Variants in FGF12 observed in about 807,000 individuals in gnomAD.
FGF12 encodes fibroblast growth factor 12B.
Under a neutral mutation model 23.6 loss-of-function variants are expected in FGF12, and 14 were observed. That is an observed-to-expected ratio of 0.59 (90% CI 0.39 to 0.93). FGF12 has a LOEUF of 0.93. Ranked by LOEUF, FGF12 falls within the 40% of genes least tolerant of loss-of-function variation. The pLI is 0.00. For synonymous variants in FGF12, 62 were observed against 77.3 expected (o/e 0.80, Z 1.04); for missense variants, 175 against 217.8 (o/e 0.80, Z 1.24).
chr3:192,593,412 T>C (rs1016470660), intron 2 of FGF12, among the ~76,000 whole-genome samples: 2 of 151,862 alleles, frequency 1.3e-5, no homozygotes, highest in Non-Finnish European at 1.5e-5. Context: ...CCACAGCACT[T>C]ATTATCACCT....
intron 5 of FGF12, among the ~76,000 whole-genome samples, chr3:192,147,362 A>T (rs1713782018): frequency 6.6e-6 from 1 of 152,170 alleles, no homozygotes; most frequent in Non-Finnish European, 1.5e-5. Flanking sequence ...GCAAAGAAAG[A>T]ATAAAGTACC....
intron 2 of FGF12, among the ~76,000 whole-genome samples, chr3:192,616,297 T>C (rs190346847): frequency 8.5e-5 from 13 of 152,224 alleles, no homozygotes; most frequent in African/African-American, 3.1e-4. Context: ...AAACGTAGTA[T>C]GTCTCTAAAG....
At chr3:192,716,560 G>A (rs546329860) in intron 2 of FGF12, among the ~76,000 whole-genome samples, 33 of 152,152 alleles carry the variant, frequency 2.2e-4, no homozygotes, top group Admixed American at 1.8e-3. Flanking sequence ...ATAAAAATGA[G>A]CAAAATAAAA....
chr3:192,339,661 G>A (rs1717599287), intron 3 of FGF12, among the ~76,000 whole-genome samples: 1 of 152,014 alleles, frequency 6.6e-6, no homozygotes, highest in Admixed American at 6.6e-5. Context: ...CATCATTTAA[G>A]GCCTACCTTG....
intron 4 of FGF12, among the ~76,000 whole-genome samples, chr3:192,221,213 C>T (rs1487282367): frequency 2.0e-5 from 3 of 152,164 alleles, no homozygotes; most frequent in Non-Finnish European, 4.4e-5. Flanking sequence ...ACAAGGCTAA[C>T]CCACACACAC....
At position 192,389,998 on chromosome 3, in the gene FGF12, T is replaced by TA. The variant is rs575156238; in HGVS notation, c.14-29461dup. Among the ~76,000 whole-genome samples, 21 of 152,366 alleles carry TA rather than the reference T, an allele frequency of 1.4e-4. 1 individual carries two copies. The South Asian group carries it at 4.1e-3, about 30-fold the overall frequency. ...AAAAGCTGTCCTGTAGGCTGACTCA[T>TA]AGTCGCTGACTTAGTTCACTTAGTT... On this transcript the variant is annotated intron_variant, in intron 2 of 5. Transcript: ENST00000445105.
chr3:192,385,634 T>C (rs1289467355), intron 2 of FGF12, among the ~76,000 whole-genome samples: 3 of 136,358 alleles, frequency 2.2e-5, no homozygotes. Flanking sequence ...CAGGGACCCA[T>C]AGGGATTCAC....
chr3:192,273,039 G>C (rs1713546571), intron 4 of FGF12, among the ~76,000 whole-genome samples: 1 of 152,202 alleles, frequency 6.6e-6, no homozygotes, highest in African/African-American at 2.4e-5. Flanking sequence ...GAGAACAGGT[G>C]AAGTGGATAG....
chr3:192,538,166 T>C (rs1560143567), intron 2 of FGF12, among the ~76,000 whole-genome samples: 1 of 152,098 alleles, frequency 6.6e-6, no homozygotes. Context: ...CAGACTGGTC[T>C]CAAACTCCTG....
chr3:192,314,291 A>C (rs2108675938), intron 4 of FGF12, among the ~76,000 whole-genome samples: 1 of 152,280 alleles, frequency 6.6e-6, no homozygotes, highest in South Asian at 2.1e-4. Context: ...TAAAATTAAA[A>C]AAAAAACAAA....
chr3:192,466,157 T>C (rs137948304), intron 2 of FGF12, among the ~76,000 whole-genome samples: 38 of 152,280 alleles, frequency 2.5e-4, no homozygotes, highest in Non-Finnish European at 4.1e-4. Context: ...CCACAGCTGA[T>C]TGTAACAGCA....
chr3:192,458,814 G>T (rs1179013498), intron 2 of FGF12, among the ~76,000 whole-genome samples: 2 of 152,120 alleles, frequency 1.3e-5, no homozygotes, highest in African/African-American at 4.8e-5. Flanking sequence ...GAATGATATG[G>T]TTTCGCTGTG....
Position 192,141,524 on chromosome 3 carries a change from G to A in FGF12, c.*2485C>T, listed in dbSNP as rs943585940. The stretch of plus-strand genomic sequence containing the variant: ...AAGCTAATTTCCAAAACATTTTACT[G>A]CAGTGAACATTTGCTTAACATAATA... On this transcript the variant is annotated 3_prime_UTR_variant, in exon 6 of 6. Transcript: ENST00000445105. 6.6e-6 allele frequency: 1 copy of A among 151,896 alleles called. No individual in the cohort carries two copies. Among genetic ancestry groups the A allele is most frequent in the Admixed American group, 6.6e-5 (1 of 15,242 alleles). The allele number at this position is 151,896 out of a possible 1,614,324, so 9.4% of individuals were successfully genotyped here.
chr3:192,556,437 T>C (rs1299214104), intron 2 of FGF12, among the ~76,000 whole-genome samples: 1 of 152,168 alleles, frequency 6.6e-6, no homozygotes, highest in Non-Finnish European at 1.5e-5. Context: ...GGACATTATA[T>C]AATGATTAAA....
At chr3:192,470,687 C>A (rs932575411) in intron 2 of FGF12, among the ~76,000 whole-genome samples, 7 of 152,326 alleles carry the variant, frequency 4.6e-5, no homozygotes, top group Admixed American at 1.3e-4. Context: ...CCACACCCGG[C>A]CTAGTAACGG....
chr3:192,485,144 G>GGT (rs1349320627), intron 2 of FGF12, among the ~76,000 whole-genome samples: 6 of 151,940 alleles, frequency 3.9e-5, no homozygotes, highest in Non-Finnish European at 8.8e-5. Flanking sequence ...TCTATAAACA[G>GGT]GTGTGCATGT....
Position 192,335,414 on chromosome 3 carries a change from C to T in FGF12, c.175G>A (p.Val59Met), listed in dbSNP as rs1326602818. ...ATGGCCACATAGAGGCTAGCCTTCA[C>T]TCCTTGGATGGCCACTACACGCAGG... ...VGLRVVAIQG[V>M]KASLYVAMNG... is the part of the protein sequence containing the mutation. The change falls in exon 4 of 6, where the codon GTG (valine) becomes ATG (methionine). Residue 59 changes from valine (V) to methionine (M), a missense_variant. Transcript: ENST00000445105. The T allele has an allele frequency of 1.2e-6, 2 of 1,613,338 alleles. No individual in the cohort carries two copies. The highest frequency in any genetic ancestry group is 1.7e-6 in the Non-Finnish European group (2 of 1,179,518).
At chr3:192,536,105 C>T (rs986075710) in intron 2 of FGF12, among the ~76,000 whole-genome samples, 3 of 152,174 alleles carry the variant, frequency 2.0e-5, no homozygotes, top group Non-Finnish European at 2.9e-5. Flanking sequence ...CCACGCTCAA[C>T]GGTCTAGAAC....
At chr3:192,633,551 C>T (rs575525293) in intron 2 of FGF12, among the ~76,000 whole-genome samples, 1 of 152,138 alleles carries the variant, frequency 6.6e-6, no homozygotes, top group East Asian at 1.9e-4. Context: ...AAGACCACAA[C>T]AAAAGTATAT....
Sources: allele counts gnomAD v4.1 joint callset (sites outside exome capture counted in the v4.1 genomes callset), GRCh38; gene constraint gnomAD v4.1.1; transcripts MANE v1.5; gene names NCBI Gene and HGNC (gene_info 2026-07-23, HGNC 2026-07-21).